The following SH2D3C variants were observed in gnomAD, a reference collection of about 807,000 sequenced individuals.
The protein encoded by SH2D3C is SH2 domain-containing protein 3C.
SH2D3C carries 25 observed loss-of-function variants against 75.2 expected under a neutral mutation model. The observed-to-expected ratio is 0.33, with a 90% CI of 0.24 to 0.46. SH2D3C has a LOEUF of 0.46. Ranked by LOEUF, SH2D3C falls within the 20% of genes least tolerant of loss-of-function variation. SH2D3C has a pLI of 1.00. For synonymous variants in SH2D3C, 450 were observed against 473.7 expected (o/e 0.95, Z 0.65); for missense variants, 933 against 1,165.3 (o/e 0.80, Z 2.90).
chr9:127,749,220 C>T lies in SH2D3C; in HGVS notation c.1130G>A (p.Cys377Tyr), dbSNP rs546135106. The T allele has an allele frequency of 4.1e-5, 63 of 1,554,374 alleles. 2 individuals are homozygous for T. The South Asian group carries it at 6.6e-4, about 16-fold the overall frequency. ...TGGGGCCCTGGCTGACCTGGTGGGG[C>T]AGCCATCGCTGCGGGTGACCTTGTC... ...TADKVTRSDG[C>Y]PTSTSLPRPR... The change falls in exon 5 of 12, where the codon TGC (cysteine) becomes TAC (tyrosine). Residue 377 changes from cysteine (C) to tyrosine (Y), a missense_variant. Physicochemically the swap from Cys to Tyr is radical, Grantham distance 194 (BLOSUM62 -2). Transcript: ENST00000314830. This position sits in a 1 kb window ranked among gnomAD's most constrained non-coding sequence, Gnocchi z 5.9.
At chr9:127,758,730 A>C (rs1463017553) in intron 3 of SH2D3C, among the ~76,000 whole-genome samples, 1 of 152,166 alleles carries the variant, frequency 6.6e-6, no homozygotes, top group Non-Finnish European at 1.5e-5. Context: ...TCATACATGG[A>C]GAGATCTCAG....
chr9:127,742,665 C>T (rs1844897801), intron 8 of SH2D3C, 184 bp downstream of exon 8: 3 of 550,668 alleles, frequency 5.4e-6, no homozygotes, highest in Non-Finnish European at 9.7e-6. Context: ...AGGATTCAGT[C>T]TTTGGGAAAT....
At chr9:127,740,166 C>A in intron 10 of SH2D3C, 92 bp downstream of exon 10, 1 of 1,080,480 alleles carries the variant, frequency 9.3e-7, no homozygotes, top group South Asian at 1.4e-5. Context: ...TTGCACAGAG[C>A]TCAGCCAGGC....
intron 3 of SH2D3C, among the ~76,000 whole-genome samples, chr9:127,756,736 C>T (rs1013010153): frequency 6.6e-6 from 1 of 151,486 alleles, no homozygotes; most frequent in Non-Finnish European, 1.5e-5. Context: ...GCTCCGCCTC[C>T]CGCGTTCATG....
intron 6 of SH2D3C, among the ~76,000 whole-genome samples, chr9:127,746,222 G>C (rs746395911): frequency 2.0e-5 from 3 of 152,214 alleles, no homozygotes; most frequent in Non-Finnish European, 2.9e-5. Flanking sequence ...TGGTGGCTCT[G>C]TGTTTAGGGA....
intron 3 of SH2D3C, among the ~76,000 whole-genome samples, chr9:127,757,642 G>GT (rs1845426177): frequency 8.1e-6 from 1 of 123,486 alleles, no homozygotes; most frequent in African/African-American, 3.1e-5. Flanking sequence ...TGATGATGAT[G>GT]ATGATTATTA....
In SH2D3C at chr9:127,739,988, A is replaced by T; in HGVS notation, c.2201-100T>A. 1 of 1,168,234 alleles carries T rather than the reference A, an allele frequency of 8.6e-7. No individual in the cohort carries two copies. 72.4% of individuals were successfully genotyped at this position (1,168,234 alleles called of 1,614,324 possible). On this transcript the variant is annotated intron_variant, in intron 10 of 11. Transcript: ENST00000314830. The surrounding 1 kb of genome is among the most constrained non-coding windows in gnomAD (Gnocchi z 4.3). Reference sequence around the variant, plus strand: ...GTGCAGGAGGGAACGGGCCTGGCTGAGGTCCGGGAGAGAGCCCCAAGGGCT... The same window carrying T: ...GTGCAGGAGGGAACGGGCCTGGCTGTGGTCCGGGAGAGAGCCCCAAGGGCT...
In SH2D3C at chr9:127,741,871, T is replaced by G; in HGVS notation, c.2005A>C (p.Ile669Leu). The change falls in exon 9 of 12, where the codon ATT becomes CTT. Residue 669 changes from isoleucine to leucine, a missense_variant. Coordinates refer to ENST00000314830, the MANE Select transcript of SH2D3C (RefSeq NM_170600.3). ...CCCCGCAGCTCGGCCGCCAGCTGAA[T>G]GGTCTTGTGCAGCAGCGCTGCCCGC... ...EERAALLHKT[I>L]QLAAELRGTM... The G allele has an allele frequency of 6.2e-7, 1 of 1,613,270 alleles. No individual in the cohort carries two copies. Among genetic ancestry groups the G allele is most frequent in the Non-Finnish European group, 8.5e-7 (1 of 1,180,008 alleles).
intron 3 of SH2D3C, among the ~76,000 whole-genome samples, chr9:127,760,211 C>T (rs1321159177): frequency 6.6e-6 from 1 of 152,076 alleles, no homozygotes; most frequent in Non-Finnish European, 1.5e-5. Context: ...TATGCTTCTT[C>T]CATGGGTCCC....
rs776170022 is a variant in SH2D3C, at chr9:127,751,158, C to T, written c.684+14G>A. On this transcript the variant is annotated intron_variant, in intron 4 of 11. Transcript: ENST00000314830. The surrounding 1 kb of genome is among the most constrained non-coding windows in gnomAD (Gnocchi z 4.1). ...GAGGGTCCCGGGTTGAAGTCCAGCT[C>T]GGGGCCTACTCACCTCTCGGGGGAT... 8 of 1,612,658 alleles carry T rather than the reference C, an allele frequency of 5.0e-6. No individual in the cohort carries two copies. Among genetic ancestry groups the T allele is most frequent in the South Asian group, 1.1e-5 (1 of 91,016 alleles).
At chr9:127,768,777 C>T (rs1226817981) in intron 2 of SH2D3C, among the ~76,000 whole-genome samples, 2 of 151,952 alleles carry the variant, frequency 1.3e-5, no homozygotes, top group African/African-American at 2.4e-5. Flanking sequence ...CCCAGCCCAC[C>T]CCTCCCTGTC....
Position 127,751,164 on chromosome 9 carries a change from C to T in SH2D3C, c.684+8G>A. ...CCCGGGTTGAAGTCCAGCTCGGGGC[C>T]TACTCACCTCTCGGGGGATGCGGCC... On this transcript the variant is annotated splice_region_variant and intron_variant, in intron 4 of 11. Transcript: ENST00000314830. This position sits in a 1 kb window ranked among gnomAD's most constrained non-coding sequence, Gnocchi z 4.1. 6.2e-7 allele frequency: 1 copy of T among 1,613,376 alleles called. No homozygotes were observed. Among genetic ancestry groups the T allele is most frequent in the Non-Finnish European group, 8.5e-7 (1 of 1,179,928 alleles).
intron 5 of SH2D3C, among the ~76,000 whole-genome samples, 172 bp from the exon 6 acceptor site, chr9:127,747,443 A>AGG (rs1287813293): frequency 6.6e-6 from 1 of 152,110 alleles, no homozygotes; most frequent in Admixed American, 6.5e-5. Context: ...CAGATGAGGG[A>AGG]GGGGGCACAG....
At position 127,774,187 on chromosome 9, in the gene SH2D3C, C is replaced by T; in HGVS notation, c.318G>A (p.Leu106=). ...QAQEAGPKPN[L]VPGGVPDPPG... is the part of the protein sequence containing the mutation. Reference sequence around the variant, plus strand: ...GGGGGTCGGGTACACCTCCGGGTACCAAGTTGGGCTTGGGACCCGCCTCCT... The same window carrying T: ...GGGGGTCGGGTACACCTCCGGGTACTAAGTTGGGCTTGGGACCCGCCTCCT... Residue 106 remains leucine, a synonymous_variant, in exon 2 of 12, where the codon TTG becomes TTA. Coordinates refer to ENST00000314830, the MANE Select transcript of SH2D3C (RefSeq NM_170600.3). The surrounding 1 kb of genome is among the most constrained non-coding windows in gnomAD (Gnocchi z 4.3). 6.2e-7 allele frequency: 1 copy of T among 1,613,918 alleles called. No individual in the cohort carries two copies. Among genetic ancestry groups the T allele is most frequent in the South Asian group, 1.1e-5 (1 of 91,068 alleles).
At chr9:127,778,212 T>A (rs1316286037) in intron 1 of SH2D3C, among the ~76,000 whole-genome samples, 1 of 149,810 alleles carries the variant, frequency 6.7e-6, no homozygotes, top group Non-Finnish European at 1.5e-5. Context: ...GGTCTCGAAC[T>A]CCTGACCTCA....
Position 127,774,499 on chromosome 9 carries a change from A to G in SH2D3C, c.38-32T>C, listed in dbSNP as rs1588527930. ...GAGGGGAAGGGAAGGAAAAGAAGTT[A>G]ATGACAATGTCAACATCAGTGATAA... is the stretch of plus-strand genomic sequence containing the variant. On this transcript the variant is annotated intron_variant, in intron 1 of 11. Transcript: ENST00000314830. This position sits in a 1 kb window ranked among gnomAD's most constrained non-coding sequence, Gnocchi z 4.3. 1 of 1,068,742 alleles carries G rather than the reference A, an allele frequency of 9.4e-7. No homozygotes were observed. The highest frequency in any genetic ancestry group is 1.5e-5 in the African/African-American group (1 of 64,924). The allele number at this position is 1,068,742 out of a possible 1,614,324, so 66.2% of individuals were successfully genotyped here. A position where few individuals can be genotyped will look rare whatever the true frequency, so the allele number is the denominator to read the frequency against.
chr9:127,747,044 G>A (rs889170801), intron 6 of SH2D3C, 103 bp downstream of exon 6: 85 of 1,164,608 alleles, frequency 7.3e-5, no homozygotes, highest in South Asian at 3.9e-4. Context: ...GGTAAAGGTC[G>A]CGCCTCATAA....
intron 2 of SH2D3C, among the ~76,000 whole-genome samples, chr9:127,763,807 C>T (rs960941025): frequency 1.3e-5 from 2 of 152,188 alleles, no homozygotes; most frequent in Middle Eastern, 3.2e-3. Flanking sequence ...TGTCTGATAG[C>T]CCTCCCTGTT....
intron 8 of SH2D3C, 116 bp downstream of exon 8, chr9:127,742,733 G>C: frequency 1.5e-6 from 1 of 687,538 alleles, no homozygotes; most frequent in East Asian, 2.8e-5. Flanking sequence ...TGGGAGGCGT[G>C]GCCAGAGCCC....
Sources: gnomAD v4.1 joint callset for allele counts (sites outside exome capture counted in the v4.1 genomes callset) on GRCh38, gnomAD v4.1.1 for gene constraint, Gnocchi (gnomAD v3.1) non-coding constraint, MANE v1.5 for transcripts, NCBI Gene and HGNC (gene_info 2026-07-23, HGNC 2026-07-21) for gene names.